SRL: variants seen among roughly 807,000 people sequenced by gnomAD.
SRL encodes the protein sarcalumenin.
SRL carries 23 observed loss-of-function variants against 39.5 expected under a neutral mutation model. That is an observed-to-expected ratio of 0.58 (90% CI 0.42 to 0.82). SRL has a LOEUF of 0.82. Ranked by LOEUF, SRL falls within the 40% of genes least tolerant of loss-of-function variation. SRL has a pLI of 0.00. For synonymous variants in SRL, 272 were observed against 237.4 expected, an observed-to-expected ratio of 1.15 and a Z score of -1.34; for missense variants, 592 against 607.8, an observed-to-expected ratio of 0.97 and a Z score of 0.27.
rs199937840 is a variant in SRL at position 4,203,184 on chromosome 16, G to A, written c.241C>T (p.Arg81Trp). The part of the protein sequence containing the change: ...LEQSYKYNEL[R>W]QHEITDGEIT... ...GCCCTACCTGTGATCTCATGCTGCC[G>A]GAGCTCATTGTACTTGTAGGACTGC... Residue 81 changes from arginine (R) to tryptophan (W), a missense_variant, in exon 3 of 6, where the codon CGG (arginine) becomes TGG (tryptophan). Coordinates refer to ENST00000399609, the MANE Select transcript of SRL (RefSeq NM_001098814.2). 45 of 1,613,952 alleles carry A rather than the reference G, an allele frequency of 2.8e-5. No homozygotes were observed. In the Middle Eastern group the frequency reaches 6.6e-4, roughly 24 times the overall value.
Position 4,197,914 on chromosome 16 carries a change from A to T in SRL, c.261T>A (p.Asp87Glu). Residue 87 changes from aspartate to glutamate, a missense_variant and splice_region_variant, in exon 4 of 6, where the codon GAT (aspartate) becomes GAA (glutamate). Coordinates refer to ENST00000399609, the MANE Select transcript of SRL (RefSeq NM_001098814.2). ...YNELRQHEIT[D>E]GEITSKPMVL... ...CCATGGGCTTGGAGGTAATCTCTCC[A>T]TCTGTGGGCAACAGGAAGTAGAAAT... The T allele has an allele frequency of 6.2e-7, 1 of 1,600,168 alleles. No individual in the cohort carries two copies. The highest frequency in any genetic ancestry group is 8.6e-7 in the Non-Finnish European group (1 of 1,167,240).
intron 1 of SRL, among the ~76,000 whole-genome samples, chr16:4,238,899 G>T (rs188296773): frequency 6.6e-6 from 1 of 152,002 alleles, no homozygotes; most frequent in Non-Finnish European, 1.5e-5. Context: ...GGGATTACAG[G>T]TGTGAGCCAC....
chr16:4,220,434 G>C (rs534856141), intron 1 of SRL, among the ~76,000 whole-genome samples: 1 of 151,332 alleles, frequency 6.6e-6, no homozygotes, highest in Admixed American at 6.6e-5. Flanking sequence ...AGTGACAGGA[G>C]ACACTGTCCT....
intron 1 of SRL, among the ~76,000 whole-genome samples, chr16:4,227,544 T>C (rs2052607258): frequency 6.6e-6 from 1 of 150,788 alleles, no homozygotes; most frequent in African/African-American, 2.4e-5. Context: ...GGGTAGATGA[T>C]GGATGGGTGG....
At chr16:4,225,499 G>T (rs879649289) in intron 1 of SRL, among the ~76,000 whole-genome samples, 6 of 152,088 alleles carry the variant, frequency 3.9e-5, no homozygotes, top group Admixed American at 1.3e-4. Flanking sequence ...TGGGAGGATC[G>T]CCTGAGCCCG....
chr16:4,206,164 C>G (rs796651649), intron 1 of SRL, among the ~76,000 whole-genome samples: 2 of 152,296 alleles, frequency 1.3e-5, no homozygotes, highest in African/African-American at 4.8e-5. Flanking sequence ...CCCCTCTGCT[C>G]CTGGCCCCGA....
rs1434610225 is a variant in SRL, at chr16:4,195,690, G to C, written c.473C>G (p.Ser158Cys). ...GCCAAACTTCTCAAGGGGTGAGAAG[G>C]AACGGGCGCTGTCAGCAGCCATGAC... Reference protein sequence around the residue: ...GIVMAADSARSFSPLEKFGQN... With the variant: ...GIVMAADSARCFSPLEKFGQN... Residue 158 changes from serine to cysteine, a missense_variant, in exon 5 of 6, where the codon TCC (serine) becomes TGC (cysteine). By Grantham distance (112) the Ser-to-Cys change is moderately radical. Transcript: ENST00000399609. 2 of 1,614,000 alleles carry C rather than the reference G, an allele frequency of 1.2e-6. No homozygotes were observed. The highest frequency in any genetic ancestry group is 1.7e-6 in the Non-Finnish European group (2 of 1,180,014).
chr16:4,206,739 T>G (rs150818301), intron 1 of SRL: 2 of 429,190 alleles, frequency 4.7e-6, no homozygotes, highest in African/African-American at 5.7e-5. Flanking sequence ...TGGGCAACAA[T>G]GATGGGACTC....
intron 1 of SRL, among the ~76,000 whole-genome samples, chr16:4,228,572 A>T (rs891842265): frequency 6.6e-6 from 1 of 151,410 alleles, no homozygotes; most frequent in Non-Finnish European, 1.5e-5. Flanking sequence ...CGTCTCTACT[A>T]AAAATACAAA....
intron 1 of SRL, among the ~76,000 whole-genome samples, chr16:4,216,374 C>T (rs1043623554): frequency 1.3e-5 from 2 of 152,058 alleles, no homozygotes; most frequent in Non-Finnish European, 2.9e-5. Context: ...TAGATTCAAG[C>T]GATTCTCCTG....
intron 1 of SRL, among the ~76,000 whole-genome samples, chr16:4,228,407 A>G (rs1022961316): frequency 3.3e-5 from 5 of 151,164 alleles, no homozygotes; most frequent in South Asian, 2.1e-4. Context: ...CTGCACTCCA[A>G]CCCGGGCGAC....
intron 1 of SRL, among the ~76,000 whole-genome samples, chr16:4,230,145 C>A (rs1384226053): frequency 6.6e-6 from 1 of 152,098 alleles, no homozygotes; most frequent in Non-Finnish European, 1.5e-5. Flanking sequence ...CTAGGCCGGG[C>A]TACCTCCTGA....
chr16:4,209,186 A>G (rs62039300), intron 1 of SRL, among the ~76,000 whole-genome samples: 29,763 of 151,880 alleles, frequency 0.2, 3,234 homozygotes, highest in Admixed American at 0.25. Context: ...AGGCTGGAGA[A>G]TGACTTGAAC....
In SRL at chr16:4,190,771, G is replaced by A; in HGVS notation, c.*1382C>T. On this transcript the variant is annotated 3_prime_UTR_variant, in exon 6 of 6. Coordinates refer to ENST00000399609, the MANE Select transcript of SRL (RefSeq NM_001098814.2). ...AAGCCTTGGTGGCCACCGACACCGAGTGGCTGGTGCTGGTTCTGACTCCTA... is the reference window on the plus strand; with the variant it reads ...AAGCCTTGGTGGCCACCGACACCGAATGGCTGGTGCTGGTTCTGACTCCTA... The A allele has an allele frequency of 3.3e-6, 1 of 299,142 alleles. No individual in the cohort carries two copies. Among genetic ancestry groups the A allele is most frequent in the Non-Finnish European group, 6.2e-6 (1 of 162,374 alleles). 18.5% of individuals were successfully genotyped at this position (299,142 alleles called of 1,614,324 possible).
At chr16:4,206,324 T>C (rs888398893) in intron 1 of SRL, among the ~76,000 whole-genome samples, 12 of 152,184 alleles carry the variant, frequency 7.9e-5, no homozygotes, top group African/African-American at 2.7e-4. Context: ...ACCCCAGTCC[T>C]AGCCCACTAA....
intron 1 of SRL, among the ~76,000 whole-genome samples, chr16:4,220,465 CAT>C (rs942280516): frequency 7.2e-5 from 11 of 151,830 alleles, no homozygotes; most frequent in African/African-American, 2.4e-4. Flanking sequence ...AACACACACA[CAT>C]CTCATGTCTT....
intron 1 of SRL, among the ~76,000 whole-genome samples, chr16:4,223,549 T>A (rs116505448): frequency 0.011 from 1,662 of 151,068 alleles, 21 homozygotes; most frequent in Middle Eastern, 0.041. Context: ...GCTAGGTTTT[T>A]AAATTTTTTT....
chr16:4,203,656 G>C (rs971604113), intron 2 of SRL, among the ~76,000 whole-genome samples: 1 of 152,054 alleles, frequency 6.6e-6, no homozygotes, highest in Non-Finnish European at 1.5e-5. Flanking sequence ...CAAAGTGCTG[G>C]AATTACAGAC....
At chr16:4,230,067 C>G (rs1176915930) in intron 1 of SRL, among the ~76,000 whole-genome samples, 4 of 152,100 alleles carry the variant, frequency 2.6e-5, no homozygotes, top group African/African-American at 9.7e-5. Flanking sequence ...AGACACACCC[C>G]CTAGGAACTG....
Sources: gnomAD v4.1 joint callset for allele counts (sites outside exome capture counted in the v4.1 genomes callset) on GRCh38, gnomAD v4.1.1 for gene constraint, MANE v1.5 for transcripts, NCBI Gene and HGNC (gene_info 2026-07-23, HGNC 2026-07-21) for gene names.